The following STK38L variants were observed in gnomAD, a reference collection of about 807,000 sequenced individuals.
STK38L encodes the protein serine/threonine-protein kinase 38-like.
Under a neutral mutation model 59.7 loss-of-function variants are expected in STK38L, and 28 were observed. The observed-to-expected ratio is 0.47, with a 90% CI of 0.35 to 0.64. The LOEUF is 0.64. Among genes scored for constraint, STK38L ranks in the 30% least tolerant of loss-of-function variants. The probability of loss-of-function intolerance (pLI) is 0.01; values close to 1 mark genes in which losing one functional copy is unlikely to be tolerated. For synonymous variants in STK38L, 162 were observed against 176.8 expected (o/e 0.92, Z 0.66); for missense variants, 314 against 555.8 (o/e 0.56, Z 4.37).
At chr12:27,270,237 T>C (rs1400335700) in intron 1 of STK38L, among the ~76,000 whole-genome samples, 1 of 152,134 alleles carries the variant, frequency 6.6e-6, no homozygotes, top group African/African-American at 2.4e-5. Flanking sequence ...TTGGAGACAG[T>C]GTCTCCATCA....
chr12:27,262,902 G>A (rs1426387082), intron 1 of STK38L, among the ~76,000 whole-genome samples: 3 of 151,270 alleles, frequency 2.0e-5, no homozygotes, highest in African/African-American at 7.3e-5. Flanking sequence ...GGGTTCAAGC[G>A]ATTCTCCCAT....
chr12:27,259,719 C>A (rs1259917451), intron 1 of STK38L, among the ~76,000 whole-genome samples: 5 of 152,150 alleles, frequency 3.3e-5, no homozygotes, highest in Non-Finnish European at 7.4e-5. Context: ...GTATACCAGG[C>A]CTTTTGTAAA....
At chr12:27,320,442 A>ATTTTTTTTTT (rs34281958) in intron 12 of STK38L, among the ~76,000 whole-genome samples, 42 of 91,888 alleles carry the variant, frequency 4.6e-4, no homozygotes, top group East Asian at 1.7e-3. Flanking sequence ...AATTTTGTTG[A>ATTTTTTTTTT]TTTTTTTTTT....
intron 1 of STK38L, among the ~76,000 whole-genome samples, chr12:27,261,735 G>A (rs777619010): frequency 2.0e-5 from 3 of 152,146 alleles, no homozygotes; most frequent in African/African-American, 4.8e-5. Context: ...AATTTCTTAA[G>A]TTCTTCTCTA....
intron 1 of STK38L, among the ~76,000 whole-genome samples, chr12:27,249,124 C>G (rs1234291053): frequency 1.3e-5 from 2 of 152,180 alleles, no homozygotes; most frequent in Admixed American, 1.3e-4. Flanking sequence ...TCTTTTCCCA[C>G]CAGGAACAGC....
In STK38L at chr12:27,324,724, A is replaced by G. The variant is rs1944802380; in HGVS notation, c.*2269A>G. 1 of 152,084 alleles carries G rather than the reference A, an allele frequency of 6.6e-6. No individual in the cohort carries two copies. Among genetic ancestry groups the G allele is most frequent in the African/African-American group, 2.4e-5 (1 of 41,442 alleles). The allele number at this position is 152,084 out of a possible 1,614,324, so 9.4% of individuals were successfully genotyped here. ...ATCTTTGGGGTTTTCTCCTCATCAA[A>G]AGCATTTCTTAAGTGCCTATCTAAA... On this transcript the variant is annotated 3_prime_UTR_variant, in exon 14 of 14. Transcript: ENST00000389032.
chr12:27,294,569 T>G (rs1236370282), intron 1 of STK38L, among the ~76,000 whole-genome samples: 1 of 151,582 alleles, frequency 6.6e-6, no homozygotes, highest in Non-Finnish European at 1.5e-5. Context: ...CTTTGTGTAG[T>G]CTGGGTTTCT....
At chr12:27,283,787 A>G (rs1010255859) in intron 1 of STK38L, among the ~76,000 whole-genome samples, 1 of 152,196 alleles carries the variant, frequency 6.6e-6, no homozygotes, top group Non-Finnish European at 1.5e-5. Flanking sequence ...TACCTATGGC[A>G]TATTCCAGAG....
chr12:27,307,025 G>A (rs540834911), intron 3 of STK38L, among the ~76,000 whole-genome samples: 6 of 152,058 alleles, frequency 3.9e-5, no homozygotes, highest in African/African-American at 9.6e-5. Flanking sequence ...CACCACACCC[G>A]GCTTATCGCC....
rs546022330 is a variant in STK38L at position 27,324,796 on chromosome 12, C to A, written c.*2341C>A. The A allele has an allele frequency of 7.9e-5, 12 of 152,140 alleles. No homozygotes were observed. Among genetic ancestry groups the A allele is most frequent in the African/African-American group, 2.9e-4 (12 of 41,556 alleles). The allele number at this position is 152,140 out of a possible 1,614,324, so 9.4% of individuals were successfully genotyped here. On this transcript the variant is annotated 3_prime_UTR_variant, in exon 14 of 14. Coordinates refer to ENST00000389032, the MANE Select transcript of STK38L (RefSeq NM_015000.4). ...CCCTTTAGAAGCTAAGAATTTGATT[C>A]ATGATGCAAATTAACTAGATAATTT...
intron 1 of STK38L, chr12:27,293,738 C>G (rs984687915): frequency 1.3e-5 from 2 of 152,232 alleles, no homozygotes; most frequent in African/African-American, 4.8e-5. Context: ...TAACTGTGAA[C>G]AGCATAATTC....
intron 2 of STK38L, among the ~76,000 whole-genome samples, chr12:27,299,821 AAGAG>A (rs972699401): frequency 1.3e-5 from 2 of 152,156 alleles, no homozygotes; most frequent in African/African-American, 2.4e-5. Flanking sequence ...AAAAGAATGC[AAGAG>A]AGAAAGAAAA....
At chr12:27,304,516 CATTA>C (rs1193618547) in intron 3 of STK38L, among the ~76,000 whole-genome samples, 1 of 151,958 alleles carries the variant, frequency 6.6e-6, no homozygotes, top group African/African-American at 2.4e-5. Flanking sequence ...ATTTACATGT[CATTA>C]ATATTTTAAA....
intron 2 of STK38L, among the ~76,000 whole-genome samples, chr12:27,301,073 T>C (rs1448542173): frequency 1.3e-5 from 2 of 152,178 alleles, no homozygotes; most frequent in Middle Eastern, 3.2e-3. Flanking sequence ...ATACTAATAC[T>C]CACTTGGAAA....
chr12:27,256,571 A>G (rs1376162833), intron 1 of STK38L, among the ~76,000 whole-genome samples: 1 of 152,070 alleles, frequency 6.6e-6, no homozygotes, highest in Non-Finnish European at 1.5e-5. Context: ...TCTAGTATGT[A>G]TTTCTTTTAT....
chr12:27,249,630 G>A (rs528108831), intron 1 of STK38L, among the ~76,000 whole-genome samples: 4 of 152,204 alleles, frequency 2.6e-5, no homozygotes, highest in African/African-American at 7.2e-5. Flanking sequence ...GAGCCACTGC[G>A]CCTGGCCTAT....
chr12:27,257,836 G>T (rs1943120528), intron 1 of STK38L, among the ~76,000 whole-genome samples: 1 of 151,332 alleles, frequency 6.6e-6, no homozygotes, highest in Non-Finnish European at 1.5e-5. Context: ...TTTAGGGGCA[G>T]CCATTTCACA....
chr12:27,254,854 C>G (rs910147280), intron 1 of STK38L, among the ~76,000 whole-genome samples: 4 of 152,168 alleles, frequency 2.6e-5, no homozygotes, highest in African/African-American at 9.7e-5. Context: ...ACCTCCACAC[C>G]TCTTCCAGGT....
At chr12:27,287,632 A>G (rs1487946615) in intron 1 of STK38L, among the ~76,000 whole-genome samples, 2 of 151,700 alleles carry the variant, frequency 1.3e-5, no homozygotes, top group South Asian at 2.1e-4. Flanking sequence ...TTGAAGTTTA[A>G]TTTTTTTTAA....
Sources: allele counts gnomAD v4.1 joint callset (sites outside exome capture counted in the v4.1 genomes callset), GRCh38; gene constraint gnomAD v4.1.1; transcripts MANE v1.5; gene names NCBI Gene and HGNC (gene_info 2026-07-23, HGNC 2026-07-21).